The following PPP3CA variants were observed in gnomAD, a reference collection of about 807,000 sequenced individuals.
The protein encoded by PPP3CA is CAM-PRP catalytic subunit.
A neutral mutation model predicts 66.5 loss-of-function variants in PPP3CA; 14 were observed. The ratio of observed to expected loss-of-function variants is 0.21; its 90% CI spans 0.14 to 0.33. PPP3CA has a LOEUF of 0.33. PPP3CA is among the 10% of genes least tolerant of loss of function. The probability of loss-of-function intolerance (pLI) is 1.00; values close to 1 mark genes in which losing one functional copy is unlikely to be tolerated. For synonymous variants in PPP3CA, 232 were observed against 226.2 expected (o/e 1.03, Z -0.23); for missense variants, 317 against 639.5 (o/e 0.50, Z 5.44).
chr4:101,276,437 GT>G (rs1292008838), intron 1 of PPP3CA, among the ~76,000 whole-genome samples: 1 of 152,126 alleles, frequency 6.6e-6, no homozygotes, highest in Non-Finnish European at 1.5e-5. Flanking sequence ...AAATTAAACA[GT>G]TTAAAATAGT....
chr4:101,242,576 G>C (rs1231477178), intron 1 of PPP3CA, among the ~76,000 whole-genome samples: 1 of 152,010 alleles, frequency 6.6e-6, no homozygotes, highest in Admixed American at 6.6e-5. Context: ...CCCATATCCT[G>C]CATCATGGAT....
intron 2 of PPP3CA, among the ~76,000 whole-genome samples, chr4:101,156,741 G>A (rs1375278736): frequency 6.6e-6 from 1 of 152,102 alleles, no homozygotes; most frequent in Non-Finnish European, 1.5e-5. Flanking sequence ...AATTTGGCTA[G>A]ATTTGAAAGG....
intron 10 of PPP3CA, among the ~76,000 whole-genome samples, chr4:101,041,216 T>C (rs963292354): frequency 1.3e-5 from 2 of 152,138 alleles, no homozygotes; most frequent in Non-Finnish European, 2.9e-5. Context: ...TTTAGTACTA[T>C]TTTTGAAAGT....
chr4:101,095,602 T>TA (rs911856506), intron 5 of PPP3CA, among the ~76,000 whole-genome samples: 5 of 152,058 alleles, frequency 3.3e-5, no homozygotes, highest in East Asian at 3.9e-4. Context: ...TTTATTTACT[T>TA]AAAAAAAATC....
chr4:101,285,191 A>G (rs1727799242), intron 1 of PPP3CA, among the ~76,000 whole-genome samples: 1 of 152,168 alleles, frequency 6.6e-6, no homozygotes, highest in Admixed American at 6.5e-5. Flanking sequence ...TCTTTCAGGT[A>G]AATATAGAAT....
At chr4:101,342,920 C>G (rs1729862388) in intron 1 of PPP3CA, among the ~76,000 whole-genome samples, 1 of 152,280 alleles carries the variant, frequency 6.6e-6, no homozygotes, top group East Asian at 1.9e-4. Flanking sequence ...CTTAATAATA[C>G]TTAACTAGCA....
chr4:101,106,709 A>G (rs1348783222), intron 3 of PPP3CA, among the ~76,000 whole-genome samples: 1 of 152,138 alleles, frequency 6.6e-6, no homozygotes, highest in Non-Finnish European at 1.5e-5. Context: ...AAACATCCTT[A>G]AACAAGAAGA....
intron 2 of PPP3CA, among the ~76,000 whole-genome samples, chr4:101,112,256 A>G (rs1294096688): frequency 6.6e-6 from 1 of 152,188 alleles, no homozygotes; most frequent in Non-Finnish European, 1.5e-5. Context: ...TAAGTATAGA[A>G]GTACATTATC....
intron 10 of PPP3CA, among the ~76,000 whole-genome samples, chr4:101,042,974 A>G (rs1241019225): frequency 6.6e-6 from 1 of 152,014 alleles, no homozygotes; most frequent in South Asian, 2.1e-4. Context: ...CTGTGAACTC[A>G]GGGGTCATGA....
chr4:101,185,982 G>A (rs947996828), intron 2 of PPP3CA, among the ~76,000 whole-genome samples: 23 of 152,240 alleles, frequency 1.5e-4, no homozygotes, highest in African/African-American at 5.3e-4. Context: ...TGAAATATTA[G>A]CTCCTATCTA....
At position 101,289,037 on chromosome 4, in the gene PPP3CA, C is replaced by T. The variant is rs75857936; in HGVS notation, c.58+57702G>A. Among the ~76,000 whole-genome samples, 1,860 of 149,772 alleles carry T rather than the reference C, an allele frequency of 0.012. 114 individuals are homozygous for T. The East Asian group carries it at 0.19, about 16-fold the overall frequency. The stretch of plus-strand genomic sequence containing the variant: ...AGGAAAAAAACAAGCTCTTACTTAC[C>T]GGTTTCAATTTTAAAAAAAAGAAAA... On this transcript the variant is annotated intron_variant, in intron 1 of 13. Transcript: ENST00000394854.
At chr4:101,144,288 T>C (rs1346620188) in intron 2 of PPP3CA, among the ~76,000 whole-genome samples, 1 of 152,220 alleles carries the variant, frequency 6.6e-6, no homozygotes, top group Non-Finnish European at 1.5e-5. Context: ...TATACGTATA[T>C]ACTAAAAGCT....
chr4:101,126,797 T>C (rs1312395659), intron 2 of PPP3CA, among the ~76,000 whole-genome samples: 1 of 152,164 alleles, frequency 6.6e-6, no homozygotes, highest in African/African-American at 2.4e-5. Context: ...AAAAACACCT[T>C]ACATAAGTAA....
intron 2 of PPP3CA, among the ~76,000 whole-genome samples, chr4:101,179,646 G>A (rs1724173473): frequency 6.6e-6 from 1 of 152,112 alleles, no homozygotes; most frequent in Non-Finnish European, 1.5e-5. Flanking sequence ...GTGACTTCAT[G>A]CTAAGAGCAA....
chr4:101,293,984 T>C (rs1728114065), intron 1 of PPP3CA, among the ~76,000 whole-genome samples: 1 of 151,996 alleles, frequency 6.6e-6, no homozygotes, highest in African/African-American at 2.4e-5. Flanking sequence ...TGTACCGAGA[T>C]AGGAAAACCA....
At chr4:101,217,982 A>C (rs531091954) in intron 1 of PPP3CA, among the ~76,000 whole-genome samples, 20 of 152,112 alleles carry the variant, frequency 1.3e-4, no homozygotes, top group Non-Finnish European at 2.2e-4. Context: ...ATCATAATAA[A>C]AGACTTGTTT....
rs1730350311 is a variant in PPP3CA at position 101,099,552 on chromosome 4, G to T, written c.496+59C>A. 4 of 956,122 alleles carry T rather than the reference G, an allele frequency of 4.2e-6. No individual in the cohort carries two copies. The South Asian group carries it at 5.1e-5, about 12-fold the overall frequency. 59.2% of individuals were successfully genotyped at this position (956,122 alleles called of 1,614,324 possible). On this transcript the variant is annotated intron_variant, in intron 4 of 13. Transcript: ENST00000394854. ...ATCATATTGTATGTATCTTATTATT[G>T]ATTAAAATTACTTTTTAGCACATAT...
chr4:101,195,989 C>T lies in PPP3CA; in HGVS notation c.186G>A (p.Leu62=). The change falls in exon 2 of 14, where the codon TTG becomes TTA. Residue 62 remains leucine, a synonymous_variant. Coordinates refer to ENST00000394854, the MANE Select transcript of PPP3CA (RefSeq NM_000944.5). ...TTGATGCACCCTCTGTTATTATTCT[C>T]AATGCAACACTCTCTTCCAGCCTTC... The part of the protein sequence containing the change: ...KEGRLEESVA[L]RIITEGASIL... The T allele has an allele frequency of 6.2e-7, 1 of 1,614,002 alleles. No homozygotes were observed.
At chr4:101,220,634 C>T (rs1481157302) in intron 1 of PPP3CA, among the ~76,000 whole-genome samples, 3 of 151,696 alleles carry the variant, frequency 2.0e-5, no homozygotes, top group Admixed American at 2.0e-4. Context: ...TTCTTCCTAT[C>T]TGTTACATGC....
Sources: gnomAD v4.1 joint callset for allele counts (sites outside exome capture counted in the v4.1 genomes callset) on GRCh38, gnomAD v4.1.1 for gene constraint, MANE v1.5 for transcripts, NCBI Gene and HGNC (gene_info 2026-07-23, HGNC 2026-07-21) for gene names.